Variants in FHIT observed in about 807,000 individuals in gnomAD.
The protein encoded by FHIT is fragile histidine triad diadenosine triphosphatase, also known as bis(5'-adenosyl)-triphosphatase.
Under a neutral mutation model 17.9 loss-of-function variants are expected in FHIT, and 19 were observed. The ratio of observed to expected loss-of-function variants is 1.06; its 90% CI spans 0.74 to 1.56. The LOEUF (loss-of-function observed/expected upper bound fraction) is 1.56. Ranked by LOEUF, FHIT falls within the 40% of genes most tolerant of loss-of-function variation. The probability of loss-of-function intolerance (pLI) is 0.00; values close to 1 mark genes in which losing one functional copy is unlikely to be tolerated. For missense variants in FHIT, 248 were observed against 189.2 expected (o/e 1.31, Z -1.82); for synonymous variants, 81 against 69.7 (o/e 1.16, Z -0.81).
intron 1 of FHIT, among the ~76,000 whole-genome samples, chr3:61,218,039 A>G (rs2039733922): frequency 6.6e-6 from 1 of 152,206 alleles, no homozygotes; most frequent in Admixed American, 6.5e-5. Context: ...AGAGACATCT[A>G]AAGGAAAATA....
intron 2 of FHIT, among the ~76,000 whole-genome samples, chr3:61,085,023 A>G (rs1202504051): frequency 6.6e-6 from 1 of 152,166 alleles, no homozygotes; most frequent in Non-Finnish European, 1.5e-5. Flanking sequence ...CCTTGTATAA[A>G]TATACTAATT....
intron 2 of FHIT, among the ~76,000 whole-genome samples, chr3:61,122,876 G>C (rs976249804): frequency 6.6e-6 from 1 of 152,220 alleles, no homozygotes; most frequent in Non-Finnish European, 1.5e-5. Context: ...AGGATGTGGA[G>C]AAATAGGAAT....
At chr3:59,908,774 C>T (rs555058936) in intron 8 of FHIT, among the ~76,000 whole-genome samples, 1 of 111,750 alleles carries the variant, frequency 8.9e-6, no homozygotes, top group East Asian at 2.4e-4. Flanking sequence ...AAAACCTGGC[C>T]CAGGGCTGAT....
At chr3:60,501,682 C>T (rs1400948331) in intron 5 of FHIT, among the ~76,000 whole-genome samples, 2 of 152,152 alleles carry the variant, frequency 1.3e-5, no homozygotes, top group East Asian at 3.9e-4. Flanking sequence ...AGGTGATGCT[C>T]GGTCCTTTAG....
chr3:60,620,642 A>G (rs1375270853), intron 4 of FHIT, among the ~76,000 whole-genome samples: 2 of 151,826 alleles, frequency 1.3e-5, no homozygotes, highest in African/African-American at 4.8e-5. Flanking sequence ...AAGGGCTCAG[A>G]GGAGGGGGAG....
At chr3:61,156,613 C>G (rs1197623356) in intron 2 of FHIT, among the ~76,000 whole-genome samples, 1 of 151,896 alleles carries the variant, frequency 6.6e-6, no homozygotes, top group Non-Finnish European at 1.5e-5. Context: ...AATACCATAC[C>G]CCTCCTCCAA....
At chr3:60,857,765 C>T (rs1320172856) in intron 3 of FHIT, among the ~76,000 whole-genome samples, 1 of 151,692 alleles carries the variant, frequency 6.6e-6, no homozygotes, top group African/African-American at 2.4e-5. Flanking sequence ...TCCATCTCTA[C>T]AAAAAATGAA....
intron 3 of FHIT, among the ~76,000 whole-genome samples, chr3:60,856,043 A>C (rs1210503153): frequency 5.3e-5 from 8 of 152,156 alleles, no homozygotes; most frequent in African/African-American, 1.9e-4. Flanking sequence ...ATGGTGTTTC[A>C]GTTAAATTAT....
chr3:61,135,209 A>T (rs958251412), intron 2 of FHIT, among the ~76,000 whole-genome samples: 1 of 152,226 alleles, frequency 6.6e-6, no homozygotes, highest in African/African-American at 2.4e-5. Flanking sequence ...GAATGCTAAG[A>T]GAAAGTGGCT....
At chr3:59,820,919 T>A (rs1700764106) in intron 8 of FHIT, among the ~76,000 whole-genome samples, 1 of 152,182 alleles carries the variant, frequency 6.6e-6, no homozygotes, top group Non-Finnish European at 1.5e-5. Flanking sequence ...TATTTCCAAC[T>A]TGGAGGCTTG....
intron 4 of FHIT, among the ~76,000 whole-genome samples, chr3:60,739,174 C>T (rs533065852): frequency 6.6e-6 from 1 of 152,306 alleles, no homozygotes; most frequent in South Asian, 2.1e-4. Flanking sequence ...GAATAAAACC[C>T]CTGCATGCAT....
At chr3:60,389,296 G>T (rs1460864936) in intron 5 of FHIT, among the ~76,000 whole-genome samples, 3 of 151,098 alleles carry the variant, frequency 2.0e-5, no homozygotes, top group Non-Finnish European at 2.9e-5. Flanking sequence ...GAAGTGTGAG[G>T]CTTACTACCC....
rs569513930 is a variant in FHIT, at chr3:60,055,098, C to T, written c.104-40946G>A. Among the ~76,000 whole-genome samples the T allele has an allele frequency of 2.6e-5, 4 of 152,256 alleles. No individual in the cohort carries two copies. The South Asian group carries it at 6.2e-4, about 24-fold the overall frequency. On this transcript the variant is annotated intron_variant, in intron 5 of 9. Coordinates refer to ENST00000492590, the MANE Select transcript of FHIT (RefSeq NM_002012.4). ...GAAATAAACTACCCCCATTCCAAAG[C>T]GTGGCCTCCTATCTTTTTGCTACAC...
At chr3:60,208,381 A>T (rs987247592) in intron 5 of FHIT, among the ~76,000 whole-genome samples, 8 of 151,196 alleles carry the variant, frequency 5.3e-5, no homozygotes, top group Non-Finnish European at 1.2e-4. Flanking sequence ...CTCCCCCCAA[A>T]TTGTAAATTC....
At position 59,748,587 on chromosome 3, in the gene FHIT, C is replaced by T. The variant is rs1435418622; in HGVS notation, c.*998G>A. Among the ~76,000 whole-genome samples, 1 of 151,764 alleles carries T rather than the reference C, an allele frequency of 6.6e-6. No individual in the cohort carries two copies. The highest frequency in any genetic ancestry group is 6.6e-5 in the Admixed American group (1 of 15,226). On this transcript the variant is annotated 3_prime_UTR_variant, in exon 10 of 10. Transcript: ENST00000492590. The stretch of plus-strand genomic sequence containing the variant: ...GCGAGGAGGTGGGAGGTCCTCAAGG[C>T]AGAAATAGGCCAGTAGATAAGGTGA...
rs145335125 is a variant in FHIT, at chr3:59,927,701, G to A, written c.280-5287C>T. Among the ~76,000 whole-genome samples, 683 of 152,084 alleles carry A rather than the reference G, an allele frequency of 4.5e-3. 6 individuals are homozygous for A. Among genetic ancestry groups the A allele is most frequent in the African/African-American group, 0.015 (622 of 41,472 alleles). ...GGAGAATCGCTTGAACCCGGGAGGC[G>A]GAGGTTGCCGTGAGCCGAGATCGTG... On this transcript the variant is annotated intron_variant, in intron 7 of 9. Transcript: ENST00000492590.
chr3:60,158,475 C>G (rs944502448), intron 5 of FHIT, among the ~76,000 whole-genome samples: 17 of 152,070 alleles, frequency 1.1e-4, no homozygotes, highest in Non-Finnish European at 2.1e-4. Flanking sequence ...CCAGGCCTAG[C>G]TAATTTTTGT....
chr3:60,456,252 G>C (rs1405774637), intron 5 of FHIT, among the ~76,000 whole-genome samples: 1 of 152,122 alleles, frequency 6.6e-6, no homozygotes. Flanking sequence ...AGAAAGAACA[G>C]AAGGGTTGCA....
intron 5 of FHIT, among the ~76,000 whole-genome samples, chr3:60,456,983 A>G (rs2032138341): frequency 6.6e-6 from 1 of 152,212 alleles, no homozygotes; most frequent in Non-Finnish European, 1.5e-5. Context: ...AAGAATCAAT[A>G]TCATGAAAAT....
Sources: allele counts gnomAD v4.1 joint callset (sites outside exome capture counted in the v4.1 genomes callset), GRCh38; gene constraint gnomAD v4.1.1; transcripts MANE v1.5; gene names NCBI Gene and HGNC (gene_info 2026-07-23, HGNC 2026-07-21).